CACNA2D1: variants seen among roughly 807,000 people sequenced by gnomAD.
The protein encoded by CACNA2D1 is voltage-dependent calcium channel subunit alpha-2/delta-1.
CACNA2D1 carries 53 observed loss-of-function variants against 171.5 expected under a neutral mutation model. That is an observed-to-expected ratio of 0.31 (90% confidence interval 0.25 to 0.39). The LOEUF is 0.39. Ranked by LOEUF, CACNA2D1 falls within the 10% of genes least tolerant of loss-of-function variation. The probability of loss-of-function intolerance (pLI) is 1.00; values close to 1 mark genes in which losing one functional copy is unlikely to be tolerated. For missense variants in CACNA2D1, 903 were observed against 1,299.8 expected (o/e 0.69, Z 4.69); for synonymous variants, 442 against 443.1 (o/e 1.00, Z 0.03).
chr7:82,035,981 GTCT>G (rs1314143871), intron 11 of CACNA2D1, among the ~76,000 whole-genome samples: 1 of 152,040 alleles, frequency 6.6e-6, no homozygotes, highest in Non-Finnish European at 1.5e-5. Flanking sequence ...CTGATTTTCT[GTCT>G]TCTTAATCTA....
At chr7:82,213,069 T>C (rs1800737244) in intron 3 of CACNA2D1, among the ~76,000 whole-genome samples, 1 of 152,020 alleles carries the variant, frequency 6.6e-6, no homozygotes, top group Admixed American at 6.6e-5. Context: ...CCTGCTAATT[T>C]TTTGTATTTT....
chr7:82,092,394 C>T (rs1811278311), intron 6 of CACNA2D1, among the ~76,000 whole-genome samples: 1 of 151,340 alleles, frequency 6.6e-6, no homozygotes, highest in Admixed American at 6.6e-5. Context: ...TTTCTTGAGA[C>T]AGAGTCTCAT....
intron 1 of CACNA2D1, among the ~76,000 whole-genome samples, chr7:82,391,770 G>C (rs566802520): frequency 1.3e-5 from 2 of 152,304 alleles, no homozygotes; most frequent in Admixed American, 6.5e-5. Context: ...AAGTCAATTA[G>C]CAAGGAAGCT....
chr7:81,959,924 AAT>A, intron 36 of CACNA2D1, 95 bp from the exon 37 acceptor site: 1 of 1,510,178 alleles, frequency 6.6e-7, no homozygotes, highest in African/African-American at 1.4e-5. Context: ...TGAAAGACAA[AAT>A]ATGACATCTG....
At chr7:82,253,543 A>G (rs975051012) in intron 3 of CACNA2D1, among the ~76,000 whole-genome samples, 4 of 152,208 alleles carry the variant, frequency 2.6e-5, no homozygotes, top group Non-Finnish European at 1.5e-5. Flanking sequence ...ATACCAATAA[A>G]TATTTTGATA....
chr7:82,067,281 G>C (rs183691138), intron 7 of CACNA2D1, among the ~76,000 whole-genome samples: 2 of 152,242 alleles, frequency 1.3e-5, no homozygotes, highest in East Asian at 3.9e-4. Context: ...AAATGCTGAT[G>C]AATTGGATGA....
At chr7:82,118,458 A>T (rs1789331106) in intron 5 of CACNA2D1, among the ~76,000 whole-genome samples, 2 of 152,168 alleles carry the variant, frequency 1.3e-5, no homozygotes, top group South Asian at 4.1e-4. Flanking sequence ...AGGTAGAGGG[A>T]GAAATGAATG....
intron 1 of CACNA2D1, among the ~76,000 whole-genome samples, chr7:82,359,643 T>C (rs1244857862): frequency 6.8e-6 from 1 of 147,472 alleles, no homozygotes; most frequent in African/African-American, 2.5e-5. Context: ...TTCTGGCCAA[T>C]TCAAGTCCTC....
chr7:81,995,141 T>A (rs1462900056), intron 19 of CACNA2D1, among the ~76,000 whole-genome samples: 2 of 152,158 alleles, frequency 1.3e-5, no homozygotes, highest in African/African-American at 4.8e-5. Flanking sequence ...TACATTATTT[T>A]AAAATAATAA....
chr7:82,177,954 G>A (rs1796723735), intron 3 of CACNA2D1, among the ~76,000 whole-genome samples: 1 of 152,040 alleles, frequency 6.6e-6, no homozygotes, highest in South Asian at 2.1e-4. Context: ...ATAATGTAAG[G>A]ATACAGATTA....
intron 3 of CACNA2D1, among the ~76,000 whole-genome samples, chr7:82,283,398 G>T (rs560099550): frequency 4.6e-5 from 7 of 152,256 alleles, no homozygotes; most frequent in African/African-American, 1.7e-4. Flanking sequence ...CATCTAAATA[G>T]CTTATGATTT....
At chr7:82,225,670 T>C (rs771836182) in intron 3 of CACNA2D1, among the ~76,000 whole-genome samples, 2 of 152,020 alleles carry the variant, frequency 1.3e-5, no homozygotes, top group Non-Finnish European at 2.9e-5. Context: ...ACCAAGACTT[T>C]TCTTTTTGGG....
chr7:82,186,065 A>G (rs1797702185), intron 3 of CACNA2D1, among the ~76,000 whole-genome samples: 1 of 151,974 alleles, frequency 6.6e-6, no homozygotes, highest in African/African-American at 2.4e-5. Context: ...CTGAGGCAGG[A>G]GAATTGCTTG....
chr7:82,403,291 G>C (rs1826645595), intron 1 of CACNA2D1, among the ~76,000 whole-genome samples: 1 of 152,190 alleles, frequency 6.6e-6, no homozygotes, highest in African/African-American at 2.4e-5. Context: ...TAATACATTT[G>C]AGAATTGTTA....
chr7:82,231,590 A>G (rs1026560217), intron 3 of CACNA2D1, among the ~76,000 whole-genome samples: 1 of 152,202 alleles, frequency 6.6e-6, no homozygotes. Context: ...AAAAAAAATC[A>G]CATTGTATAG....
At chr7:82,154,400 T>C (rs988791369) in intron 4 of CACNA2D1, among the ~76,000 whole-genome samples, 2 of 152,042 alleles carry the variant, frequency 1.3e-5, no homozygotes, top group Admixed American at 6.6e-5. Flanking sequence ...GTATGGTATG[T>C]ACTGTTCTCA....
At chr7:82,386,484 T>C (rs1188142337) in intron 1 of CACNA2D1, among the ~76,000 whole-genome samples, 1 of 152,110 alleles carries the variant, frequency 6.6e-6, no homozygotes, top group East Asian at 1.9e-4. Context: ...CTGTGGCTCA[T>C]GCCTTTAATC....
At chr7:82,369,306 C>A (rs749039889) in intron 1 of CACNA2D1, among the ~76,000 whole-genome samples, 1 of 151,620 alleles carries the variant, frequency 6.6e-6, no homozygotes, top group South Asian at 2.1e-4. Flanking sequence ...ACCTGAATAA[C>A]TGTCTTTGCC....
intron 1 of CACNA2D1, among the ~76,000 whole-genome samples, chr7:82,378,699 T>C (rs992074395): frequency 3.3e-5 from 5 of 152,188 alleles, no homozygotes; most frequent in African/African-American, 1.2e-4. Context: ...TGTGATTTCT[T>C]AATACATTAG....
Sources: allele counts gnomAD v4.1 joint callset (sites outside exome capture counted in the v4.1 genomes callset), GRCh38; gene constraint gnomAD v4.1.1; transcripts MANE v1.5; gene names NCBI Gene and HGNC (gene_info 2026-07-23, HGNC 2026-07-21).